The following PCSK5 variants were observed in gnomAD, a reference collection of about 807,000 sequenced individuals.
PCSK5 encodes the protein prohormone convertase 5.
A neutral mutation model predicts 233.2 loss-of-function variants in PCSK5; 129 were observed. The ratio of observed to expected loss-of-function variants is 0.55; its 90% CI spans 0.48 to 0.64. The LOEUF (loss-of-function observed/expected upper bound fraction) is 0.64. PCSK5 is among the 30% of genes least tolerant of loss of function. PCSK5 has a pLI of 0.00. For missense variants in PCSK5, 2,076 were observed against 2,430.1 expected (o/e 0.85, Z 3.06); for synonymous variants, 825 against 879.2 (o/e 0.94, Z 1.09).
At chr9:76,319,565 G>A (rs1367324621) in intron 30 of PCSK5, among the ~76,000 whole-genome samples, 2 of 152,142 alleles carry the variant, frequency 1.3e-5, no homozygotes, top group Admixed American at 1.3e-4. Flanking sequence ...AGGGCCGCTT[G>A]AGGGCTCCTT....
At chr9:75,924,160 A>T (rs538349179) in intron 1 of PCSK5, among the ~76,000 whole-genome samples, 22 of 152,234 alleles carry the variant, frequency 1.4e-4, no homozygotes, top group African/African-American at 5.3e-4. Context: ...TTTCATAGAG[A>T]TTAGATATCT....
intron 36 of PCSK5, among the ~76,000 whole-genome samples, chr9:76,353,587 A>C (rs1304950214): frequency 2.6e-5 from 4 of 152,236 alleles, no homozygotes; most frequent in African/African-American, 9.6e-5. Context: ...GGGAGTGATG[A>C]ATCCAGTGTT....
intron 3 of PCSK5, among the ~76,000 whole-genome samples, chr9:75,987,658 A>G (rs62555954): frequency 0.34 from 51,579 of 152,096 alleles, 9,939 homozygotes; most frequent in Non-Finnish European, 0.45. Context: ...AAGGGGAAAA[A>G]GGGAGGAATC....
intron 1 of PCSK5, among the ~76,000 whole-genome samples, chr9:75,901,576 A>G (rs1826035787): frequency 6.6e-6 from 1 of 151,250 alleles, no homozygotes; most frequent in Admixed American, 6.6e-5. Context: ...ACCATGGCAC[A>G]TGTATACCTG....
rs1825933251 is a variant in PCSK5, at chr9:76,227,486, T to C, written c.2627-17T>C. On this transcript the variant is annotated splice_polypyrimidine_tract_variant and intron_variant, in intron 20 of 37. Coordinates refer to ENST00000674117, the MANE Select transcript of PCSK5 (RefSeq NM_001372043.1). ...GCCATGTAGAAATGAAATAAACAAC[T>C]AGATTTTGTTCCCCAGGAGAATATG... 3.2e-6 allele frequency: 5 copies of C among 1,569,348 alleles called. No homozygotes were observed. The highest frequency in any genetic ancestry group is 4.4e-6 in the Non-Finnish European group (5 of 1,143,260).
chr9:76,012,610 C>T (rs1827779682), intron 3 of PCSK5, among the ~76,000 whole-genome samples: 2 of 152,178 alleles, frequency 1.3e-5, no homozygotes, highest in African/African-American at 4.8e-5. Context: ...CTAAGCAGCG[C>T]ACCTTTATTT....
chr9:76,194,181 CAG>C (rs1440842300), intron 20 of PCSK5: 1 of 152,270 alleles, frequency 6.6e-6, no homozygotes, highest in East Asian at 1.9e-4. Context: ...CCCTGAAATT[CAG>C]AGTGTTAACT....
At chr9:75,941,111 C>G (rs1024018315) in intron 2 of PCSK5, among the ~76,000 whole-genome samples, 4 of 152,202 alleles carry the variant, frequency 2.6e-5, no homozygotes, top group Admixed American at 2.0e-4. Flanking sequence ...TGCATTGCCT[C>G]TCTCCCAGCC....
rs566009726 is a variant in PCSK5 at position 75,975,933 on chromosome 9, A to T, written c.298-10199A>T. Among the ~76,000 whole-genome samples the T allele has an allele frequency of 3.4e-4, 52 of 152,234 alleles. No individual in the cohort carries two copies. The South Asian group carries it at 0.011, about 32-fold the overall frequency. On this transcript the variant is annotated intron_variant, in intron 2 of 37. Transcript: ENST00000674117. ...TGACCCTGGAGTGAAGCTGGGGGGA[A>T]TTCTTTGTTGTCCCAGTTCAATCTC...
rs141893665 is a variant in PCSK5, at chr9:76,281,715, C to T, written c.3143-10518C>T. On this transcript the variant is annotated intron_variant, in intron 24 of 37. Transcript: ENST00000674117. ...CCATGCTGGAGTACAGTGGCACACT[C>T]TTGGCTCACTGCAACCTCCACCTCC... Among the ~76,000 whole-genome samples the T allele has an allele frequency of 5.3e-3, 802 of 152,324 alleles. 8 individuals are homozygous for T. The highest frequency in any genetic ancestry group is 0.019 in the African/African-American group (772 of 41,586).
chr9:76,115,146 T>G (rs1166615312), intron 9 of PCSK5, among the ~76,000 whole-genome samples: 1 of 152,120 alleles, frequency 6.6e-6, no homozygotes, highest in Non-Finnish European at 1.5e-5. Flanking sequence ...CCCATGGGAT[T>G]CTGGAGATTA....
intron 1 of PCSK5, among the ~76,000 whole-genome samples, chr9:75,900,209 C>A (rs1825967206): frequency 6.6e-6 from 1 of 152,124 alleles, no homozygotes; most frequent in South Asian, 2.1e-4. Context: ...TCCTTCCTAG[C>A]TGGAGGACCC....
intron 2 of PCSK5, among the ~76,000 whole-genome samples, chr9:75,962,248 G>C (rs1489909966): frequency 6.6e-6 from 1 of 152,144 alleles, no homozygotes; most frequent in African/African-American, 2.4e-5. Flanking sequence ...TTTGATGTGG[G>C]CTCTGAAGGG....
intron 2 of PCSK5, among the ~76,000 whole-genome samples, chr9:75,962,560 T>C (rs561169356): frequency 1.3e-5 from 2 of 152,292 alleles, no homozygotes; most frequent in East Asian, 3.9e-4. Flanking sequence ...AGGTTTTAAA[T>C]TGTGGTGCTG....
chr9:76,342,132 CTT>C (rs1829852606), intron 35 of PCSK5, among the ~76,000 whole-genome samples: 1 of 152,118 alleles, frequency 6.6e-6, no homozygotes, highest in South Asian at 2.1e-4. Context: ...GTTTTCCTCT[CTT>C]TATATTTATT....
intron 12 of PCSK5, among the ~76,000 whole-genome samples, chr9:76,160,517 C>T (rs1399710127): frequency 6.6e-6 from 1 of 152,054 alleles, no homozygotes; most frequent in Admixed American, 6.5e-5. Context: ...TGAAAGTCAA[C>T]CTTTTATATA....
At chr9:76,200,482 G>A (rs12236539) in intron 20 of PCSK5, among the ~76,000 whole-genome samples, 42,608 of 152,016 alleles carry the variant, frequency 0.28, 6,756 homozygotes, top group East Asian at 0.67. Context: ...TTCGTTACTT[G>A]TTGTCAGCCA....
At chr9:76,311,653 A>G (rs919629507) in intron 30 of PCSK5, among the ~76,000 whole-genome samples, 3 of 152,248 alleles carry the variant, frequency 2.0e-5, no homozygotes, top group Admixed American at 2.0e-4. Flanking sequence ...ACTTTCAGCA[A>G]TAAGCAACAG....
intron 2 of PCSK5, among the ~76,000 whole-genome samples, chr9:75,939,741 A>G (rs1442439517): frequency 6.6e-6 from 1 of 152,246 alleles, no homozygotes; most frequent in Non-Finnish European, 1.5e-5. Flanking sequence ...TTACATAAGC[A>G]TAGCTTCCCC....
Sources: gnomAD v4.1 joint callset for allele counts (sites outside exome capture counted in the v4.1 genomes callset) on GRCh38, gnomAD v4.1.1 for gene constraint, MANE v1.5 for transcripts, NCBI Gene and HGNC (gene_info 2026-07-23, HGNC 2026-07-21) for gene names.